The following CSMD3 variants were observed in gnomAD, a reference collection of about 807,000 sequenced individuals.
CSMD3 encodes CUB and Sushi multiple domains 3.
Under a neutral mutation model 435.2 loss-of-function variants are expected in CSMD3, and 177 were observed. The ratio of observed to expected loss-of-function variants is 0.41; its 90% CI spans 0.36 to 0.46. CSMD3 has a LOEUF of 0.46. CSMD3 is among the 20% of genes least tolerant of loss of function. The pLI is 0.34. For synonymous variants in CSMD3, 1,656 were observed against 1,520.5 expected, an observed-to-expected ratio of 1.09 and a Z score of -2.07; for missense variants, 4,265 against 4,504.6, an observed-to-expected ratio of 0.95 and a Z score of 1.52.
intron 3 of CSMD3, among the ~76,000 whole-genome samples, chr8:113,218,391 C>T (rs980066401): frequency 6.7e-6 from 1 of 149,776 alleles, no homozygotes; most frequent in Non-Finnish European, 1.5e-5. Context: ...ATATCTGAAA[C>T]CACACAGTAC....
intron 31 of CSMD3, among the ~76,000 whole-genome samples, chr8:112,488,094 C>T (rs1448101258): frequency 1.3e-5 from 2 of 152,154 alleles, no homozygotes; most frequent in Non-Finnish European, 2.9e-5. Context: ...CTGAACAGGA[C>T]TTACCACAGG....
chr8:112,283,939 T>C (rs1818914189), intron 58 of CSMD3, among the ~76,000 whole-genome samples: 1 of 151,906 alleles, frequency 6.6e-6, no homozygotes, highest in Non-Finnish European at 1.5e-5. Flanking sequence ...CTTGTGGTGA[T>C]GGATATCATA....
At chr8:112,424,258 A>T (rs1447161748) in intron 32 of CSMD3, among the ~76,000 whole-genome samples, 2 of 152,212 alleles carry the variant, frequency 1.3e-5, no homozygotes, top group Admixed American at 1.3e-4. Context: ...AAAAAACAAC[A>T]ACAACCTTAT....
At chr8:112,914,877 G>A (rs1006725399) in intron 10 of CSMD3, among the ~76,000 whole-genome samples, 3 of 151,858 alleles carry the variant, frequency 2.0e-5, no homozygotes, top group Non-Finnish European at 2.9e-5. Context: ...TTGAAACAAA[G>A]TGAGATTTTA....
At position 112,355,734 on chromosome 8, in the gene CSMD3, G is replaced by A. The variant is rs551585219; in HGVS notation, c.6137-3200C>T. Among the ~76,000 whole-genome samples, 9 of 152,250 alleles carry A rather than the reference G, an allele frequency of 5.9e-5. No homozygotes were observed. The South Asian group carries it at 1.5e-3, about 25-fold the overall frequency. ...TGTAGTCCCAGCTACTCGGGAGGCT[G>A]AGGCAGGAGAACGGCATGAACCCAG... On this transcript the variant is annotated intron_variant, in intron 38 of 70. Transcript: ENST00000297405.
intron 4 of CSMD3, among the ~76,000 whole-genome samples, chr8:113,166,989 G>C (rs995808586): frequency 6.6e-6 from 1 of 151,816 alleles, no homozygotes; most frequent in Non-Finnish European, 1.5e-5. Flanking sequence ...CTTGCCCCTA[G>C]TATACAAGTG....
chr8:113,001,878 A>G (rs926926287), intron 6 of CSMD3, among the ~76,000 whole-genome samples: 1 of 152,044 alleles, frequency 6.6e-6, no homozygotes, highest in African/African-American at 2.4e-5. Context: ...CCCTTAGCAA[A>G]GTACATAGTA....
rs145853495 is a variant in CSMD3 at position 112,492,674 on chromosome 8, C to T, written c.5093G>A (p.Arg1698Gln). 8.7e-6 allele frequency: 14 copies of T among 1,613,248 alleles called. No homozygotes were observed. The highest frequency in any genetic ancestry group is 2.2e-5 in the South Asian group (2 of 91,066). ...GFHLEYKAKLRESCFDPGNIM... is the reference protein window; with the variant it reads ...GFHLEYKAKLQESCFDPGNIM... ...ATTGCCTGGATCAAAGCAGGACTCT[C>T]GCAGTTTTGCTGTAAAACAGTGTTA... The change falls in exon 31 of 71, where the codon CGA becomes CAA. Residue 1698 changes from arginine to glutamine, a missense_variant. By Grantham distance (43) the Arg-to-Gln change is conservative (BLOSUM62 1). Around this residue, in one of 3 missense-constraint regions of CSMD3, gnomAD observed 3,255 missense variants for 3,380.2 expected, o/e 0.96. Coordinates refer to ENST00000297405, the MANE Select transcript of CSMD3 (RefSeq NM_198123.2).
chr8:112,473,858 C>A (rs1215180651), intron 31 of CSMD3, among the ~76,000 whole-genome samples: 2 of 151,510 alleles, frequency 1.3e-5, no homozygotes, highest in Non-Finnish European at 2.9e-5. Flanking sequence ...ATCCTTCTTG[C>A]AGAGCACACT....
At chr8:113,001,737 C>T (rs935370132) in intron 6 of CSMD3, among the ~76,000 whole-genome samples, 40 of 152,062 alleles carry the variant, frequency 2.6e-4, no homozygotes, top group African/African-American at 8.9e-4. Flanking sequence ...TGGATAACAA[C>T]ATCATTTTTT....
intron 3 of CSMD3, among the ~76,000 whole-genome samples, chr8:113,199,756 T>G (rs2132024979): frequency 6.6e-6 from 1 of 151,872 alleles, no homozygotes; most frequent in African/African-American, 2.4e-5. Flanking sequence ...CTATGCTGCA[T>G]TTCATCACTA....
chr8:112,922,146 T>A (rs2082763394), intron 9 of CSMD3, among the ~76,000 whole-genome samples: 1 of 152,112 alleles, frequency 6.6e-6, no homozygotes, highest in African/African-American at 2.4e-5. Context: ...TGCATTTGTG[T>A]CTATAAACAT....
intron 61 of CSMD3, among the ~76,000 whole-genome samples, chr8:112,261,260 T>TA (rs1816369809): frequency 6.6e-6 from 1 of 152,120 alleles, no homozygotes; most frequent in Non-Finnish European, 1.5e-5. Context: ...AATATATATT[T>TA]ATTTTATACT....
intron 60 of CSMD3, among the ~76,000 whole-genome samples, chr8:112,264,304 A>G (rs993892413): frequency 6.6e-6 from 1 of 152,186 alleles, no homozygotes; most frequent in African/African-American, 2.4e-5. Context: ...TTAACCACTT[A>G]GATTCATATG....
At chr8:112,279,633 T>C (rs1465617899) in intron 59 of CSMD3, among the ~76,000 whole-genome samples, 1 of 152,136 alleles carries the variant, frequency 6.6e-6, no homozygotes, top group Non-Finnish European at 1.5e-5. Context: ...AAACAACTAT[T>C]GTTCCTACTG....
At chr8:113,266,181 T>TA (rs34809876) in intron 3 of CSMD3, among the ~76,000 whole-genome samples, 50,808 of 131,678 alleles carry the variant, frequency 0.39, 9,892 homozygotes, top group East Asian at 0.74. Flanking sequence ...CCCCTAAACT[T>TA]AAAAAAAAAA....
chr8:112,675,046 C>G (rs758712277), intron 16 of CSMD3, among the ~76,000 whole-genome samples: 1 of 152,062 alleles, frequency 6.6e-6, no homozygotes, highest in African/African-American at 2.4e-5. Flanking sequence ...AGCTAGAACC[C>G]ACTTAAGCTC....
chr8:112,908,757 G>A (rs1477112530), intron 10 of CSMD3, among the ~76,000 whole-genome samples: 2 of 151,494 alleles, frequency 1.3e-5, no homozygotes, highest in South Asian at 2.1e-4. Flanking sequence ...TCATGAAAAT[G>A]AAGAAAATTG....
At chr8:112,248,844 A>T (rs1815002879) in intron 63 of CSMD3, among the ~76,000 whole-genome samples, 1 of 152,076 alleles carries the variant, frequency 6.6e-6, no homozygotes, top group African/African-American at 2.4e-5. Context: ...GTCTTCCATG[A>T]ACCCTCACCT....
Sources: gnomAD v4.1 joint callset for allele counts (sites outside exome capture counted in the v4.1 genomes callset) on GRCh38, gnomAD v4.1.1 for gene constraint, gnomAD v4.1.1 regional missense constraint, MANE v1.5 for transcripts, NCBI Gene and HGNC (gene_info 2026-07-23, HGNC 2026-07-21) for gene names.